The following ATP8B1 variants were observed in gnomAD, a reference collection of about 807,000 sequenced individuals.
The protein encoded by ATP8B1 is phospholipid-transporting ATPase IC.
In ATP8B1, 80 loss-of-function variants were observed where a neutral mutation model predicts 149.9. The ratio of observed to expected loss-of-function variants is 0.53; its 90% confidence interval spans 0.45 to 0.64. The LOEUF (loss-of-function observed/expected upper bound fraction) is 0.64. ATP8B1 is among the 30% of genes least tolerant of loss of function. The probability of loss-of-function intolerance (pLI) is 0.00; values close to 1 mark genes in which losing one functional copy is unlikely to be tolerated. For synonymous variants in ATP8B1, 536 were observed against 562.8 expected (o/e 0.95, Z 0.67); for missense variants, 1,247 against 1,552.6 (o/e 0.80, Z 3.31).
chr18:57,699,838 C>T (rs1280796233), intron 6 of ATP8B1, among the ~76,000 whole-genome samples: 2 of 152,170 alleles, frequency 1.3e-5, no homozygotes, highest in Non-Finnish European at 2.9e-5. Context: ...CAGGCGTGAG[C>T]CACCGTGCCT....
chr18:57,736,676 G>A (rs1171390744), intron 1 of ATP8B1, among the ~76,000 whole-genome samples: 1 of 146,204 alleles, frequency 6.8e-6, no homozygotes, highest in Non-Finnish European at 1.5e-5. Context: ...GTCCAAACTG[G>A]TCTTGAATTC....
intron 21 of ATP8B1, among the ~76,000 whole-genome samples, chr18:57,661,696 C>CACAT (rs775312497): frequency 1.1e-5 from 1 of 90,398 alleles, no homozygotes; most frequent in African/African-American, 4.1e-5. Context: ...CACACACACA[C>CACAT]ATATATATAT....
At chr18:57,706,449 C>T in intron 3 of ATP8B1, 41 bp downstream of exon 3, 1 of 1,571,144 alleles carries the variant, frequency 6.4e-7, no homozygotes. Flanking sequence ...CTGGAAAAAA[C>T]TGCATTTTAA....
intron 1 of ATP8B1, among the ~76,000 whole-genome samples, chr18:57,736,559 C>A (rs1463175148): frequency 4.2e-5 from 6 of 144,008 alleles, no homozygotes; most frequent in Admixed American, 3.7e-4. Context: ...CTCTTGGGCT[C>A]AAGGAATCTT....
chr18:57,733,379 C>G (rs1490717948), intron 1 of ATP8B1, among the ~76,000 whole-genome samples: 2 of 152,126 alleles, frequency 1.3e-5, no homozygotes, highest in African/African-American at 4.8e-5. Context: ...AATCAAAACA[C>G]TGGAGTGCTA....
chr18:57,757,712 T>C (rs895030615), intron 1 of ATP8B1, among the ~76,000 whole-genome samples: 5 of 152,202 alleles, frequency 3.3e-5, no homozygotes, highest in African/African-American at 1.2e-4. Context: ...AATAACTCAT[T>C]TGCTCAATGC....
At chr18:57,792,654 G>C (rs1270708725) in intron 1 of ATP8B1, among the ~76,000 whole-genome samples, 2 of 152,132 alleles carry the variant, frequency 1.3e-5, no homozygotes, top group South Asian at 2.1e-4. Context: ...GTGATGAAAA[G>C]GTTCTGACGT....
At chr18:57,686,345 G>A (rs1029155767) in intron 13 of ATP8B1, among the ~76,000 whole-genome samples, 3 of 151,854 alleles carry the variant, frequency 2.0e-5, no homozygotes, top group Non-Finnish European at 4.4e-5. Context: ...TTTTTTGTTT[G>A]ATTTTTTTGA....
At chr18:57,664,137 G>A (rs1421473086) in intron 20 of ATP8B1, among the ~76,000 whole-genome samples, 2 of 149,744 alleles carry the variant, frequency 1.3e-5, no homozygotes, top group Non-Finnish European at 3.0e-5. Context: ...CACCATGGGG[G>A]TACCATGTAA....
intron 1 of ATP8B1, among the ~76,000 whole-genome samples, chr18:57,792,080 T>C (rs1388624099): frequency 6.6e-6 from 1 of 152,210 alleles, no homozygotes; most frequent in East Asian, 1.9e-4. Flanking sequence ...TAATCAATTG[T>C]GAAGGTGAGC....
At chr18:57,679,953 C>CTT (rs1911844954) in intron 15 of ATP8B1, among the ~76,000 whole-genome samples, 1 of 151,898 alleles carries the variant, frequency 6.6e-6, no homozygotes. Flanking sequence ...GCGTGAATCA[C>CTT]TGCACCCGGC....
chr18:57,652,112 C>T lies in ATP8B1; in HGVS notation c.3322G>A (p.Ala1108Thr), dbSNP rs772879356. 1.2e-6 allele frequency: 2 copies of T among 1,613,818 alleles called. No individual in the cohort carries two copies. The highest frequency in any genetic ancestry group is 2.2e-5 in the South Asian group (2 of 91,070). ...TCAAACATGATGCCAAAATAAAGTG[C>T]AATGCTTCCAAAAATTGAAAAAGCA... is the stretch of plus-strand genomic sequence containing the variant. ...VNAFSIFGSI[A>T]LYFGIMFDFH... is the part of the protein sequence containing the mutation. The change falls in exon 26 of 28, where the codon GCA becomes ACA. Residue 1108 changes from alanine (A) to threonine (T), a missense_variant. Around this residue, in one of 3 missense-constraint regions of ATP8B1, gnomAD observed 230 missense variants for 356.6 expected, o/e 0.65. Transcript: ENST00000648908.
chr18:57,790,216 G>A (rs901067464), intron 1 of ATP8B1, among the ~76,000 whole-genome samples: 4 of 150,988 alleles, frequency 2.6e-5, no homozygotes, highest in Non-Finnish European at 5.9e-5. Context: ...TCCCATCATC[G>A]GGCCCAAACC....
At chr18:57,652,381 G>T in intron 25 of ATP8B1, 103 bp downstream of exon 25, 5 of 1,521,374 alleles carry the variant, frequency 3.3e-6, no homozygotes, top group Non-Finnish European at 4.5e-6. Flanking sequence ...TTTGTAAGTG[G>T]CACAGGTGCA....
At chr18:57,781,797 A>G (rs956309004) in intron 1 of ATP8B1, among the ~76,000 whole-genome samples, 2 of 152,138 alleles carry the variant, frequency 1.3e-5, no homozygotes, top group Non-Finnish European at 2.9e-5. Flanking sequence ...CCTGAACAAC[A>G]TAAGGATACC....
At chr18:57,654,199 G>T (rs1031022756) in intron 23 of ATP8B1, 124 bp from the exon 24 acceptor site, 2 of 888,006 alleles carry the variant, frequency 2.3e-6, no homozygotes, top group Admixed American at 2.0e-5. Context: ...AGAGATGGGG[G>T]TCTTGCTATG....
chr18:57,708,772 C>T (rs867042192), intron 2 of ATP8B1, among the ~76,000 whole-genome samples: 1 of 152,198 alleles, frequency 6.6e-6, no homozygotes, highest in Non-Finnish European at 1.5e-5. Flanking sequence ...AATGATCTTT[C>T]CCAGTCCACT....
At chr18:57,701,169 A>T in intron 5 of ATP8B1, 46 bp downstream of exon 5, 1 of 1,612,020 alleles carries the variant, frequency 6.2e-7, no homozygotes, top group Middle Eastern at 1.6e-4. Flanking sequence ...GAGAACTTAA[A>T]GTCAACTCAA....
chr18:57,669,941 C>G (rs1427909850), intron 17 of ATP8B1, among the ~76,000 whole-genome samples: 1 of 152,188 alleles, frequency 6.6e-6, no homozygotes, highest in Admixed American at 6.5e-5. Flanking sequence ...CTGCACCCAG[C>G]CTAAACATCA....
Sources: gnomAD v4.1 joint callset for allele counts (sites outside exome capture counted in the v4.1 genomes callset) on GRCh38, gnomAD v4.1.1 for gene constraint, gnomAD v4.1.1 regional missense constraint, MANE v1.5 for transcripts, NCBI Gene and HGNC (gene_info 2026-07-23, HGNC 2026-07-21) for gene names.